Variants in CSNK1G1 observed in about 807,000 individuals in gnomAD.
The protein encoded by CSNK1G1 is casein kinase 1 gamma 1.
CSNK1G1 carries 22 observed loss-of-function variants against 59.6 expected under a neutral mutation model. That is an observed-to-expected ratio of 0.37 (90% CI 0.26 to 0.53). The LOEUF is 0.53. CSNK1G1 is among the 20% of genes least tolerant of loss of function. The pLI is 0.89. For synonymous variants in CSNK1G1, 179 were observed against 177.1 expected (o/e 1.01, Z -0.08); for missense variants, 384 against 519.5 (o/e 0.74, Z 2.54).
chr15:64,271,288 A>G (rs1382546608), intron 2 of CSNK1G1, among the ~76,000 whole-genome samples: 1 of 143,798 alleles, frequency 7.0e-6, no homozygotes, highest in Non-Finnish European at 1.5e-5. Context: ...GAACTCGGCC[A>G]ATTTATTTAT....
intron 2 of CSNK1G1, among the ~76,000 whole-genome samples, chr15:64,291,066 T>A (rs1894716365): frequency 1.3e-5 from 2 of 152,170 alleles, no homozygotes; most frequent in Non-Finnish European, 2.9e-5. Flanking sequence ...CTTCTAAAAC[T>A]TGTTTTAGTT....
Position 64,307,312 on chromosome 15 carries a change from A to C in CSNK1G1, c.-224-6589T>G, listed in dbSNP as rs538240052. Among the ~76,000 whole-genome samples the C allele has an allele frequency of 2.6e-5, 4 of 152,290 alleles. No homozygotes were observed. The South Asian group carries it at 6.2e-4, about 24-fold the overall frequency. ...TGTAAACCTAAAACTGTACCCAAAA[A>C]ATCTAAAAATAAAGCCTGTTAATTA... On this transcript the variant is annotated intron_variant, in intron 1 of 11. Transcript: ENST00000303052.
chr15:64,265,281 T>G (rs1338573392), intron 2 of CSNK1G1, among the ~76,000 whole-genome samples: 2 of 152,120 alleles, frequency 1.3e-5, no homozygotes, highest in African/African-American at 4.8e-5. Flanking sequence ...GGAAATATGG[T>G]TTGGCTGTGT....
chr15:64,202,140 A>C (rs1014691998), intron 10 of CSNK1G1, among the ~76,000 whole-genome samples: 1 of 152,202 alleles, frequency 6.6e-6, no homozygotes, highest in Non-Finnish European at 1.5e-5. Flanking sequence ...AATGAAGGAC[A>C]GATGACATCG....
intron 7 of CSNK1G1, among the ~76,000 whole-genome samples, chr15:64,206,569 A>G (rs1041312051): frequency 2.4e-5 from 3 of 127,152 alleles, no homozygotes; most frequent in African/African-American, 9.5e-5. Flanking sequence ...CCTGGGAAAC[A>G]GAGTGAAACT....
intron 2 of CSNK1G1, among the ~76,000 whole-genome samples, chr15:64,289,728 C>T (rs1366866741): frequency 6.6e-6 from 1 of 152,058 alleles, no homozygotes; most frequent in African/African-American, 2.4e-5. Context: ...ATTTACAATA[C>T]TAATTGTAAG....
At chr15:64,255,601 TTA>T (rs1397003041) in intron 3 of CSNK1G1, among the ~76,000 whole-genome samples, 1 of 152,210 alleles carries the variant, frequency 6.6e-6, no homozygotes, top group Non-Finnish European at 1.5e-5. Context: ...ATAACAAAAC[TTA>T]CTTTTCTCAG....
rs1297728116 is a variant in CSNK1G1, at chr15:64,169,004, G to T, written c.*2927C>A. 1 of 152,536 alleles carries T rather than the reference G, an allele frequency of 6.6e-6. No homozygotes were observed. Among genetic ancestry groups the T allele is most frequent in the Admixed American group, 6.5e-5 (1 of 15,278 alleles). 9.4% of individuals were successfully genotyped at this position (152,536 alleles called of 1,614,324 possible). On this transcript the variant is annotated 3_prime_UTR_variant, in exon 12 of 12. Transcript: ENST00000303052. ...AGAGATTTGTGAGGTTGGAAGGTGA[G>T]AACAGTGTCTTAGGAAGTACAGTCC...
intron 2 of CSNK1G1, among the ~76,000 whole-genome samples, chr15:64,296,937 C>CTTTTT (rs960068624): frequency 5.5e-4 from 49 of 89,656 alleles, no homozygotes; most frequent in African/African-American, 8.8e-4. Flanking sequence ...ACTATCGTTA[C>CTTTTT]TTTTTTTTTT....
chr15:64,240,552 G>A (rs2082680397), intron 4 of CSNK1G1, among the ~76,000 whole-genome samples: 1 of 151,502 alleles, frequency 6.6e-6, no homozygotes, highest in African/African-American at 2.4e-5. Context: ...AGAAAAAAGA[G>A]TCAAGAAAAT....
chr15:64,238,522 T>A (rs868256733), intron 4 of CSNK1G1, among the ~76,000 whole-genome samples: 1,740 of 101,666 alleles, frequency 0.017, 25 homozygotes, highest in African/African-American at 0.029. Context: ...AAAAAAAATA[T>A]ATATATATAT....
chr15:64,276,616 G>C (rs990940579), intron 2 of CSNK1G1, among the ~76,000 whole-genome samples: 2 of 151,756 alleles, frequency 1.3e-5, no homozygotes, highest in African/African-American at 4.8e-5. Flanking sequence ...CAGCCACCCA[G>C]GTAGGAAAAA....
At chr15:64,318,915 T>A (rs1443506773) in intron 1 of CSNK1G1, among the ~76,000 whole-genome samples, 2 of 151,348 alleles carry the variant, frequency 1.3e-5, no homozygotes, top group African/African-American at 4.9e-5. Flanking sequence ...CTGGCCAACA[T>A]GATCTTGGCT....
At chr15:64,286,239 A>T (rs1894403406) in intron 2 of CSNK1G1, among the ~76,000 whole-genome samples, 1 of 151,830 alleles carries the variant, frequency 6.6e-6, no homozygotes, top group Admixed American at 6.6e-5. Flanking sequence ...CAGCAGAGAT[A>T]TCACTCTTTC....
At chr15:64,228,975 T>C (rs1304970977) in intron 4 of CSNK1G1, among the ~76,000 whole-genome samples, 1 of 126,760 alleles carries the variant, frequency 7.9e-6, no homozygotes, top group African/African-American at 3.2e-5. Context: ...GCTGAGATCA[T>C]ACCGCTGTAC....
At chr15:64,184,502 C>T (rs992073056) in intron 10 of CSNK1G1, among the ~76,000 whole-genome samples, 3 of 151,332 alleles carry the variant, frequency 2.0e-5, no homozygotes, top group African/African-American at 7.3e-5. Context: ...CATGGTGAAA[C>T]CCCGTCTCTA....
chr15:64,354,262 G>A (rs1473404761), intron 1 of CSNK1G1, among the ~76,000 whole-genome samples: 1 of 152,144 alleles, frequency 6.6e-6, no homozygotes, highest in Non-Finnish European at 1.5e-5. Context: ...CCGAGATCGT[G>A]CCACTGCACT....
At chr15:64,172,314 G>A (rs2081681002) in intron 11 of CSNK1G1, among the ~76,000 whole-genome samples, 1 of 152,202 alleles carries the variant, frequency 6.6e-6, no homozygotes. Context: ...CTTATCAAGA[G>A]TCATGACTGG....
At chr15:64,265,676 A>C (rs1892936586) in intron 2 of CSNK1G1, 3 of 354,406 alleles carry the variant, frequency 8.5e-6, no homozygotes, top group East Asian at 7.4e-5. Flanking sequence ...AAAAAAAAAA[A>C]ACCTAGGAAT....
Sources: gnomAD v4.1 joint callset for allele counts (sites outside exome capture counted in the v4.1 genomes callset) on GRCh38, gnomAD v4.1.1 for gene constraint, MANE v1.5 for transcripts, NCBI Gene and HGNC (gene_info 2026-07-23, HGNC 2026-07-21) for gene names.